The following IL1RAPL1 variants were observed in gnomAD, a reference collection of about 807,000 sequenced individuals.
IL1RAPL1 encodes interleukin-1 receptor accessory protein-like 1.
In IL1RAPL1, 3 loss-of-function variants were observed where a neutral mutation model predicts 48.4. That is an observed-to-expected ratio of 0.06 (90% confidence interval 0.03 to 0.16). The LOEUF (loss-of-function observed/expected upper bound fraction) is 0.16. IL1RAPL1 is among the 10% of genes least tolerant of loss of function. The probability of loss-of-function intolerance (pLI) is 1.00; values close to 1 mark genes in which losing one functional copy is unlikely to be tolerated. For missense variants in IL1RAPL1, 349 were observed against 530.6 expected, an observed-to-expected ratio of 0.66 and a Z score of 3.36; for synonymous variants, 185 against 187.7, an observed-to-expected ratio of 0.99 and a Z score of 0.12.
rs1932089986 is a variant in IL1RAPL1, at chrX:29,274,557, C to T, written c.83-8381C>T. On this transcript the variant is annotated intron_variant, in intron 2 of 10. Transcript: ENST00000378993. ...AGCATATGCATATTAAAATACACAA[C>T]AGACTTCATTCTTATTTTCCTTAAA... Among the ~76,000 whole-genome samples, 2 of 112,083 alleles carry T rather than the reference C, an allele frequency of 1.8e-5. 1 individual carries two copies. Among genetic ancestry groups the T allele is most frequent in the Admixed American group, 1.9e-4 (2 of 10,543 alleles).
chrX:29,125,557 C>G (rs1286430108), intron 2 of IL1RAPL1, among the ~76,000 whole-genome samples: 1 of 111,658 alleles, frequency 9.0e-6, no homozygotes, highest in Non-Finnish European at 1.9e-5. Flanking sequence ...TGAAAGAGTT[C>G]AGTGATGTTA....
At chrX:29,243,868 A>G (rs1365693257) in intron 2 of IL1RAPL1, among the ~76,000 whole-genome samples, 3 of 111,420 alleles carry the variant, frequency 2.7e-5, no homozygotes, top group African/African-American at 9.8e-5. Flanking sequence ...AGTGACACTC[A>G]TAGGAAGAGA....
intron 2 of IL1RAPL1, among the ~76,000 whole-genome samples, chrX:29,134,567 CA>C (rs1186085201): frequency 1.8e-5 from 2 of 111,662 alleles, no homozygotes; most frequent in African/African-American, 6.5e-5. Flanking sequence ...CTTCTCTCAG[CA>C]GGTCTGTGGT....
At chrX:29,084,792 A>G (rs1232168079) in intron 2 of IL1RAPL1, among the ~76,000 whole-genome samples, 1 of 112,412 alleles carries the variant, frequency 8.9e-6, no homozygotes, top group Non-Finnish European at 1.9e-5. Flanking sequence ...CCCCGCTTCA[A>G]GCGATTCTCC....
chrX:28,757,718 A>G (rs1936120663), intron 1 of IL1RAPL1, among the ~76,000 whole-genome samples: 1 of 112,041 alleles, frequency 8.9e-6, no homozygotes, highest in African/African-American at 3.2e-5. Flanking sequence ...AATTTGCCCA[A>G]AGGTGCTATG....
chrX:29,856,013 A>G (rs1191485468), intron 6 of IL1RAPL1, among the ~76,000 whole-genome samples: 1 of 111,557 alleles, frequency 9.0e-6, no homozygotes, highest in Non-Finnish European at 1.9e-5. Flanking sequence ...GATGAAAGCT[A>G]TGTATCCTCT....
intron 1 of IL1RAPL1, among the ~76,000 whole-genome samples, chrX:28,603,250 A>G (rs1042234567): frequency 2.7e-5 from 3 of 111,693 alleles, no homozygotes; most frequent in African/African-American, 9.8e-5. Flanking sequence ...AAAGAACTAT[A>G]TAGGACAGGA....
At chrX:28,950,658 T>G (rs2147354875) in intron 2 of IL1RAPL1, among the ~76,000 whole-genome samples, 1 of 109,156 alleles carries the variant, frequency 9.2e-6, no homozygotes, top group South Asian at 4.1e-4. Flanking sequence ...TCCTTCACAC[T>G]TTTACACTGT....
At chrX:28,680,756 A>G (rs1354890069) in intron 1 of IL1RAPL1, among the ~76,000 whole-genome samples, 1 of 112,045 alleles carries the variant, frequency 8.9e-6, no homozygotes, top group Non-Finnish European at 1.9e-5. Context: ...AATGTGGTAT[A>G]TCACATTGAT....
chrX:28,636,435 G>A (rs1443057162), intron 1 of IL1RAPL1, among the ~76,000 whole-genome samples: 5 of 111,261 alleles, frequency 4.5e-5, no homozygotes, highest in African/African-American at 1.6e-4. Context: ...TTTTCATGTT[G>A]CCTCCCTGAT....
chrX:28,715,363 A>C (rs1601870202), intron 1 of IL1RAPL1, among the ~76,000 whole-genome samples: 1 of 112,187 alleles, frequency 8.9e-6, no homozygotes, highest in Admixed American at 9.5e-5. Flanking sequence ...ACAAAGATAC[A>C]TCGTACCAGA....
At chrX:29,532,543 T>C (rs917145729) in intron 5 of IL1RAPL1, among the ~76,000 whole-genome samples, 3 of 111,651 alleles carry the variant, frequency 2.7e-5, no homozygotes, top group African/African-American at 9.8e-5. Context: ...TCTCATTCTG[T>C]TGCTTAGTTG....
At chrX:28,944,821 T>G (rs1182556447) in intron 2 of IL1RAPL1, among the ~76,000 whole-genome samples, 1 of 109,700 alleles carries the variant, frequency 9.1e-6, no homozygotes, top group Non-Finnish European at 1.9e-5. Context: ...TTGACTATGG[T>G]TTTCCATCTT....
intron 3 of IL1RAPL1, among the ~76,000 whole-genome samples, chrX:29,328,328 A>G (rs1004807413): frequency 9.0e-6 from 1 of 111,520 alleles, no homozygotes; most frequent in African/African-American, 3.3e-5. Context: ...AGTGGTAAAT[A>G]AAAGGATCAA....
intron 2 of IL1RAPL1, among the ~76,000 whole-genome samples, chrX:29,041,767 T>C (rs1238527537): frequency 2.7e-5 from 3 of 112,285 alleles, no homozygotes; most frequent in African/African-American, 9.7e-5. Flanking sequence ...GATGACAGTT[T>C]TATGATAACA....
intron 5 of IL1RAPL1, among the ~76,000 whole-genome samples, chrX:29,466,803 A>G (rs994247674): frequency 1.8e-5 from 2 of 112,072 alleles, no homozygotes; most frequent in East Asian, 5.6e-4. Context: ...CTTCTCAACA[A>G]TGCTGTGAAG....
chrX:28,890,582 A>G (rs1461242002), intron 2 of IL1RAPL1, among the ~76,000 whole-genome samples: 2 of 112,089 alleles, frequency 1.8e-5, no homozygotes, highest in Non-Finnish European at 3.8e-5. Context: ...TTTTTCAATT[A>G]GCTTAATAAC....
At chrX:29,473,597 C>G (rs1342785239) in intron 5 of IL1RAPL1, among the ~76,000 whole-genome samples, 1 of 91,967 alleles carries the variant, frequency 1.1e-5, no homozygotes, top group African/African-American at 3.9e-5. Context: ...CCCCGCCCCC[C>G]ACCCCCCACG....
chrX:29,681,206 G>C (rs991005283), intron 6 of IL1RAPL1, among the ~76,000 whole-genome samples: 8 of 112,412 alleles, frequency 7.1e-5, no homozygotes, highest in Admixed American at 9.4e-5. Flanking sequence ...CTGATGTCTT[G>C]ATTGGTAAAT....
Sources: gnomAD v4.1 joint callset for allele counts (sites outside exome capture counted in the v4.1 genomes callset) on GRCh38, gnomAD v4.1.1 for gene constraint, MANE v1.5 for transcripts, NCBI Gene and HGNC (gene_info 2026-07-23, HGNC 2026-07-21) for gene names.